Variants in LRRTM4 observed in about 807,000 individuals in gnomAD.
LRRTM4 encodes the protein leucine-rich repeat transmembrane neuronal protein 4.
In LRRTM4, 25 loss-of-function variants were observed where a neutral mutation model predicts 47.6. That is an observed-to-expected ratio of 0.53 (90% confidence interval 0.38 to 0.73). The LOEUF is 0.73. Among genes scored for constraint, LRRTM4 ranks in the 30% least tolerant of loss-of-function variants. The pLI is 0.00. For synonymous variants in LRRTM4, 311 were observed against 269.5 expected (o/e 1.15, Z -1.51); for missense variants, 638 against 713.4 (o/e 0.89, Z 1.20).
At chr2:76,985,332 G>C (rs1368139305) in intron 3 of LRRTM4, among the ~76,000 whole-genome samples, 1 of 151,996 alleles carries the variant, frequency 6.6e-6, no homozygotes, top group Non-Finnish European at 1.5e-5. Flanking sequence ...TAAATTGAGA[G>C]ATTGCTGCTT....
chr2:77,004,305 G>A lies in LRRTM4; in HGVS notation c.1552-255389C>T, dbSNP rs571448701. 3.3e-5 allele frequency among the ~76,000 whole-genome samples: 5 copies of A among 152,302 alleles called. No individual in the cohort carries two copies. The South Asian group carries it at 1.0e-3, about 32-fold the overall frequency. On this transcript the variant is annotated intron_variant, in intron 3 of 3. Coordinates refer to ENST00000409884, the MANE Select transcript of LRRTM4 (RefSeq NM_001134745.3). ...TGGGCTGGGTCCAGGGACCCCTGCT[G>A]TGTGCAGCCTACGTACTTGGTCCCC...
At chr2:77,467,943 G>T (rs556330439) in intron 3 of LRRTM4, among the ~76,000 whole-genome samples, 3 of 152,206 alleles carry the variant, frequency 2.0e-5, no homozygotes, top group East Asian at 3.9e-4. Flanking sequence ...TTACTTTTGA[G>T]TTACAAAAAG....
chr2:76,945,317 A>G (rs747416573), intron 3 of LRRTM4, among the ~76,000 whole-genome samples: 4 of 152,062 alleles, frequency 2.6e-5, no homozygotes, highest in East Asian at 1.9e-4. Context: ...GCTTCAATGT[A>G]TATTTATCGG....
chr2:77,118,454 C>T (rs1259749213), intron 3 of LRRTM4, among the ~76,000 whole-genome samples: 1 of 151,880 alleles, frequency 6.6e-6, no homozygotes, highest in East Asian at 1.9e-4. Context: ...TTGACGGGGA[C>T]ACATAGTTTC....
chr2:76,862,748 C>T (rs544186810), intron 3 of LRRTM4, among the ~76,000 whole-genome samples: 2 of 152,308 alleles, frequency 1.3e-5, no homozygotes, highest in Non-Finnish European at 2.9e-5. Context: ...TGTTGAATCA[C>T]ATTTGAACAA....
chr2:76,781,083 A>C (rs1196603323), intron 3 of LRRTM4, among the ~76,000 whole-genome samples: 1 of 140,326 alleles, frequency 7.1e-6, no homozygotes, highest in African/African-American at 2.5e-5. Flanking sequence ...GGGGTCAGGG[A>C]CCCACTTGAG....
rs147034176 is a variant in LRRTM4, at chr2:77,389,947, T to A, written c.1551+128371A>T. Among the ~76,000 whole-genome samples the A allele has an allele frequency of 1.2e-4, 19 of 152,236 alleles. No individual in the cohort carries two copies. The East Asian group carries it at 3.5e-3, about 28-fold the overall frequency. On this transcript the variant is annotated intron_variant, in intron 3 of 3. Transcript: ENST00000409884. ...GACAATCTGATGATCACATCAGTGC[T>A]ACCCTTAAATCTGGTCAGGAAGGGT...
chr2:77,201,796 T>G (rs1673982529), intron 3 of LRRTM4, among the ~76,000 whole-genome samples: 1 of 152,148 alleles, frequency 6.6e-6, no homozygotes, highest in South Asian at 2.1e-4. Context: ...AGATTATAAA[T>G]AGCCATGAAC....
intron 3 of LRRTM4, among the ~76,000 whole-genome samples, chr2:76,853,977 T>C (rs748158218): frequency 2.0e-5 from 3 of 152,206 alleles, no homozygotes; most frequent in Non-Finnish European, 2.9e-5. Context: ...TTTCAGTTGC[T>C]CATTTTTCTG....
At chr2:76,977,634 CCACA>C (rs1676463992) in intron 3 of LRRTM4, among the ~76,000 whole-genome samples, 1 of 151,852 alleles carries the variant, frequency 6.6e-6, no homozygotes, top group African/African-American at 2.4e-5. Context: ...GTTCCTAGGT[CCACA>C]CAGTCATAAC....
chr2:77,184,333 A>G (rs929080169), intron 3 of LRRTM4, among the ~76,000 whole-genome samples: 2 of 152,068 alleles, frequency 1.3e-5, no homozygotes, highest in Admixed American at 6.6e-5. Flanking sequence ...TTTCTTGGAT[A>G]TTTTTAAGTC....
At chr2:76,892,679 CA>C (rs969685437) in intron 3 of LRRTM4, among the ~76,000 whole-genome samples, 1 of 151,428 alleles carries the variant, frequency 6.6e-6, no homozygotes, top group African/African-American at 2.4e-5. Context: ...AAGGGAGATT[CA>C]AAGTAAAATG....
chr2:76,934,966 A>AG (rs1161725831), intron 3 of LRRTM4, among the ~76,000 whole-genome samples: 2 of 135,716 alleles, frequency 1.5e-5, no homozygotes, highest in East Asian at 2.0e-4. Flanking sequence ...TATTCTTTGG[A>AG]GGAAAAAAAA....
chr2:77,367,839 T>C (rs1672517798), intron 3 of LRRTM4, among the ~76,000 whole-genome samples: 1 of 151,826 alleles, frequency 6.6e-6, no homozygotes, highest in African/African-American at 2.4e-5. Context: ...ATTAACAAAT[T>C]CCATTTGTTG....
intron 2 of LRRTM4, 35 bp downstream of exon 2, chr2:77,521,633 C>T: frequency 6.2e-7 from 1 of 1,612,086 alleles, no homozygotes; most frequent in Non-Finnish European, 8.5e-7. Flanking sequence ...AGAGGATCAG[C>T]TTTGCTCAGA....
intron 3 of LRRTM4, among the ~76,000 whole-genome samples, chr2:77,391,280 G>A (rs773260087): frequency 2.0e-5 from 3 of 151,958 alleles, no homozygotes; most frequent in Non-Finnish European, 4.4e-5. Flanking sequence ...TTGCACAAAT[G>A]GTCTCTGGAA....
intron 3 of LRRTM4, among the ~76,000 whole-genome samples, chr2:77,225,434 A>G (rs537875415): frequency 6.6e-6 from 1 of 152,086 alleles, no homozygotes; most frequent in South Asian, 2.1e-4. Context: ...GAAAAAAAAA[A>G]AACAGCTGAT....
chr2:77,293,338 G>T (rs1442786814), intron 3 of LRRTM4, among the ~76,000 whole-genome samples: 1 of 152,074 alleles, frequency 6.6e-6, no homozygotes, highest in Non-Finnish European at 1.5e-5. Context: ...TGATTCATTA[G>T]ACACAGCATG....
intron 3 of LRRTM4, among the ~76,000 whole-genome samples, chr2:77,277,755 ACT>A (rs1284772074): frequency 2.0e-5 from 3 of 151,920 alleles, no homozygotes; most frequent in Admixed American, 2.0e-4. Context: ...TTTACAAATG[ACT>A]CACACCATAC....
Sources: allele counts gnomAD v4.1 joint callset (sites outside exome capture counted in the v4.1 genomes callset), GRCh38; gene constraint gnomAD v4.1.1; transcripts MANE v1.5; gene names NCBI Gene and HGNC (gene_info 2026-07-23, HGNC 2026-07-21).